CPT1A: variants seen among roughly 807,000 people sequenced by gnomAD.
The protein encoded by CPT1A is carnitine palmitoyltransferase 1A, also known as carnitine O-palmitoyltransferase 1, liver isoform.
In CPT1A, 64 loss-of-function variants were observed where a neutral mutation model predicts 100.8. The observed-to-expected ratio is 0.63, with a 90% CI of 0.52 to 0.78. The LOEUF (loss-of-function observed/expected upper bound fraction) is 0.78. Ranked by LOEUF, CPT1A falls within the 30% of genes least tolerant of loss-of-function variation. CPT1A has a pLI of 0.00. For missense variants in CPT1A, 802 were observed against 1,034.1 expected, an observed-to-expected ratio of 0.78 and a Z score of 3.08; for synonymous variants, 363 against 396.0, an observed-to-expected ratio of 0.92 and a Z score of 0.99.
Position 68,757,641 on chromosome 11 carries a change from G to T in CPT1A, c.*3C>A, listed in dbSNP as rs772856784. 11 of 1,613,948 alleles carry T rather than the reference G, an allele frequency of 6.8e-6. No homozygotes were observed. The highest frequency in any genetic ancestry group is 6.7e-5 in the Admixed American group (4 of 59,994). Reference sequence around the variant, plus strand: ...GTTTTCCTTCCCAGCAGCTCCAGTGGAATTACTTTTTGGAATTAGAACTGA... The same window carrying T: ...GTTTTCCTTCCCAGCAGCTCCAGTGTAATTACTTTTTGGAATTAGAACTGA... On this transcript the variant is annotated 3_prime_UTR_variant, in exon 19 of 19. Coordinates refer to ENST00000265641, the MANE Select transcript of CPT1A (RefSeq NM_001876.4).
intron 1 of CPT1A, among the ~76,000 whole-genome samples, chr11:68,823,790 A>AAAAGAAAG (rs113830868): frequency 1.6e-3 from 244 of 151,184 alleles, no homozygotes; most frequent in African/African-American, 4.4e-3. Context: ...ACTCTGTCTC[A>AAAAGAAAG]AAAGAAAGAA....
intron 14 of CPT1A, among the ~76,000 whole-genome samples, chr11:68,764,833 G>C (rs944248719): frequency 7.2e-5 from 11 of 152,274 alleles, no homozygotes; most frequent in African/African-American, 2.4e-4. Flanking sequence ...AGAGGGAAGC[G>C]TCTAGAGACC....
chr11:68,826,168 G>A (rs1386876126), intron 1 of CPT1A, among the ~76,000 whole-genome samples: 2 of 152,158 alleles, frequency 1.3e-5, no homozygotes, highest in Non-Finnish European at 2.9e-5. Flanking sequence ...ACCTGAGGCC[G>A]GGCACTGTGG....
At chr11:68,773,710 T>C (rs3019591) in intron 13 of CPT1A, 105 of 420,914 alleles carry the variant, frequency 2.5e-4, no homozygotes, top group African/African-American at 2.0e-3. Flanking sequence ...CCATCAGTGA[T>C]GGTCAGGTGG....
At chr11:68,763,361 T>C (rs1854686522) in intron 14 of CPT1A, among the ~76,000 whole-genome samples, 1 of 151,668 alleles carries the variant, frequency 6.6e-6, no homozygotes, top group South Asian at 2.1e-4. Context: ...CAGGCTAAGG[T>C]GCAGCCTGCA....
intron 1 of CPT1A, chr11:68,839,814 G>T (rs1366242077): frequency 3.3e-6 from 2 of 607,940 alleles, no homozygotes; most frequent in African/African-American, 2.0e-5. Context: ...ACCGCTCGGT[G>T]ACCACTGGTC....
At position 68,755,094 on chromosome 11, in the gene CPT1A, C is replaced by T; in HGVS notation, c.*2550G>A. On this transcript the variant is annotated 3_prime_UTR_variant, in exon 19 of 19. Transcript: ENST00000265641. ...CCCCCCTTGGACATGTACAATAAGA[C>T]CCCTCTTTCTCCCCTCAAGGAATAT... 2.0e-6 allele frequency: 1 copy of T among 489,258 alleles called. No individual in the cohort carries two copies. The highest frequency in any genetic ancestry group is 3.7e-6 in the Non-Finnish European group (1 of 273,882). The allele number at this position is 489,258 out of a possible 1,614,324, so 30.3% of individuals were successfully genotyped here.
At chr11:68,774,075 C>T (rs1206924484) in intron 13 of CPT1A, among the ~76,000 whole-genome samples, 6 of 152,212 alleles carry the variant, frequency 3.9e-5, no homozygotes, top group African/African-American at 7.2e-5. Context: ...TGGACGCATG[C>T]CAATGTATAA....
At chr11:68,794,171 C>T (rs564660311) in intron 8 of CPT1A, among the ~76,000 whole-genome samples, 1 of 152,042 alleles carries the variant, frequency 6.6e-6, no homozygotes, top group African/African-American at 2.4e-5. Context: ...AACTAGAATT[C>T]CGAAAAAAAG....
At chr11:68,813,259 G>A (rs1232495997) in intron 2 of CPT1A, among the ~76,000 whole-genome samples, 5 of 151,900 alleles carry the variant, frequency 3.3e-5, no homozygotes, top group African/African-American at 7.3e-5. Flanking sequence ...GGCCAGGTGC[G>A]GTGGCTCACA....
chr11:68,843,087 A>T (rs1190954041), upstream of CPT1A, among the ~76,000 whole-genome samples: 2 of 152,210 alleles, frequency 1.3e-5, no homozygotes, highest in African/African-American at 4.8e-5. This position sits in a 1 kb window ranked among gnomAD's most constrained non-coding sequence, Gnocchi z 4.0. Context: ...ACCGCAGAAG[A>T]ATTTAGAAGA....
rs397742099 is a variant in CPT1A at position 68,759,887 on chromosome 11, A to AC, written c.2143-227_2143-226insG. Among the ~76,000 whole-genome samples the AC allele has an allele frequency of 1.6e-4, 25 of 151,596 alleles. 1 individual carries two copies. In the South Asian group the frequency reaches 5.0e-3, roughly 31 times the overall value. On this transcript the variant is annotated intron_variant, in intron 17 of 18. Coordinates refer to ENST00000265641, the MANE Select transcript of CPT1A (RefSeq NM_001876.4). ...TACAAAAAAATACACACACACACAC[A>AC]AATTAGCTGGGCATGGTGGCATGCA...
intron 3 of CPT1A, among the ~76,000 whole-genome samples, chr11:68,808,302 G>A (rs1408197977): frequency 6.6e-6 from 1 of 151,856 alleles, no homozygotes; most frequent in African/African-American, 2.4e-5. Context: ...TACAGGAAAT[G>A]TTTTTGTTTG....
chr11:68,816,866 G>A (rs1448906245), intron 1 of CPT1A, among the ~76,000 whole-genome samples: 1 of 145,926 alleles, frequency 6.9e-6, no homozygotes. Context: ...GTGTGTGTGT[G>A]TGGTGTACAT....
intron 1 of CPT1A, among the ~76,000 whole-genome samples, chr11:68,839,851 G>C (rs184567476): frequency 2.6e-5 from 4 of 152,220 alleles, no homozygotes; most frequent in African/African-American, 9.6e-5. Flanking sequence ...CGCAGCAGCC[G>C]CAGCAGTATC....
intron 1 of CPT1A, among the ~76,000 whole-genome samples, chr11:68,838,053 G>A (rs1857053925): frequency 6.6e-6 from 1 of 152,054 alleles, no homozygotes; most frequent in African/African-American, 2.4e-5. Flanking sequence ...CGCATCAGGA[G>A]TATGAAGCCT....
chr11:68,784,689 G>T, intron 10 of CPT1A, 126 bp downstream of exon 10: 1 of 936,628 alleles, frequency 1.1e-6, no homozygotes, highest in Non-Finnish European at 1.6e-6. Context: ...AGACCCCAGA[G>T]AAAAACAGAG....
intron 9 of CPT1A, chr11:68,785,898 C>G (rs905640147): frequency 1.6e-6 from 1 of 607,152 alleles, no homozygotes; most frequent in East Asian, 3.0e-5. Flanking sequence ...ACTACTAAAA[C>G]AGAGTAATTT....
At chr11:68,757,825 G>C in intron 18 of CPT1A, 95 bp from the exon 19 acceptor site, 1 of 1,054,270 alleles carries the variant, frequency 9.5e-7, no homozygotes, top group Admixed American at 1.8e-5. Context: ...ATGTTTCATT[G>C]AAATTCCTTT....
Sources: allele counts gnomAD v4.1 joint callset (sites outside exome capture counted in the v4.1 genomes callset), GRCh38; gene constraint gnomAD v4.1.1; non-coding constraint Gnocchi (gnomAD v3.1); transcripts MANE v1.5; gene names NCBI Gene and HGNC (gene_info 2026-07-23, HGNC 2026-07-21).